Variants in ZNF121 observed in about 807,000 individuals in gnomAD.
ZNF121 encodes zinc finger protein 121.
A neutral mutation model predicts 2.4 loss-of-function variants in ZNF121; 1 was observed. The observed-to-expected ratio is 0.41, with a 90% CI of 0.15 to 1.94. ZNF121 has a LOEUF of 1.94. ZNF121 is among the 30% of genes most tolerant of loss of function. The pLI, the probability that ZNF121 is intolerant of heterozygous loss-of-function variation, is 0.30. For missense variants in ZNF121, 369 were observed against 466.3 expected, an observed-to-expected ratio of 0.79 and a Z score of 1.92; for synonymous variants, 173 against 158.6, an observed-to-expected ratio of 1.09 and a Z score of -0.68.
At position 9,578,427 on chromosome 19, in the gene ZNF121, C is replaced by A. The variant is rs184138491; in HGVS notation, c.-160+6034G>T. ...AAAGAAGGAAAGAAAAAGCTGGAAG[C>A]ATCAAACTGCCTGATATCAAAATAT... On this transcript the variant is annotated intron_variant, in intron 1 of 3. Coordinates refer to ENST00000320451, the MANE Select transcript of ZNF121 (RefSeq NM_001008727.5). Among the ~76,000 whole-genome samples the A allele has an allele frequency of 7.2e-5, 11 of 152,040 alleles. No homozygotes were observed. The East Asian group carries it at 2.1e-3, about 29-fold the overall frequency.
At position 9,561,132 on chromosome 19, in the gene ZNF121, AAT is replaced by A. The variant is rs2074098597; in HGVS notation, c.*4806_*4807del. 6.6e-6 allele frequency: 1 copy of A among 152,174 alleles called. No individual in the cohort carries two copies. The highest frequency in any genetic ancestry group is 1.5e-5 in the Non-Finnish European group (1 of 68,030). 9.4% of individuals were successfully genotyped at this position (152,174 alleles called of 1,614,324 possible). ...CTTGTGGTCATGTTTTTAATATAGA[AAT>A]AGAGTTATTAATGTGTGGATACGTA... On this transcript the variant is annotated 3_prime_UTR_variant, in exon 4 of 4. Transcript: ENST00000320451.
intron 1 of ZNF121, among the ~76,000 whole-genome samples, chr19:9,583,972 A>G (rs1277796063): frequency 6.6e-6 from 1 of 152,228 alleles, no homozygotes; most frequent in African/African-American, 2.4e-5. Flanking sequence ...GTAATGTGTC[A>G]AAAATAAGAA....
At position 9,566,643 on chromosome 19, in the gene ZNF121, G is replaced by A; in HGVS notation, c.470C>T (p.Ser157Leu). 2 of 1,614,156 alleles carry A rather than the reference G, an allele frequency of 1.2e-6. No individual in the cohort carries two copies. The highest frequency in any genetic ancestry group is 1.7e-6 in the Non-Finnish European group (2 of 1,179,990). Residue 157 changes from serine to leucine, a missense_variant, in exon 4 of 4, where the codon TCA (serine) becomes TTA (leucine). Transcript: ENST00000320451. ...GGTTCGCATGTGACTATTAAGATAT[G>A]AAGAATATCTAAAGAATTTTCCACA... ...KECGKFFRYS[S>L]YLNSHMRTHT...
At chr19:9,582,193 A>T (rs922422749) in intron 1 of ZNF121, among the ~76,000 whole-genome samples, 1 of 152,222 alleles carries the variant, frequency 6.6e-6, no homozygotes, top group African/African-American at 2.4e-5. Context: ...CCTGTGTCCC[A>T]GCTACTAGGT....
rs1393968778 is a variant in ZNF121 at position 9,564,481 on chromosome 19, C to G, written c.*1459G>C. The G allele has an allele frequency of 3.9e-5, 6 of 152,064 alleles. No homozygotes were observed. The highest frequency in any genetic ancestry group is 3.3e-4 in the Admixed American group (5 of 15,258). The allele number at this position is 152,064 out of a possible 1,614,324, so 9.4% of individuals were successfully genotyped here. ...GGTGACTCTGAGGGGTTCAAGTCTT[C>G]AGTGGAAAAAGTAACTGTGGATGTG... On this transcript the variant is annotated 3_prime_UTR_variant, in exon 4 of 4. Transcript: ENST00000320451.
chr19:9,570,278 A>G (rs2074164815), intron 1 of ZNF121, among the ~76,000 whole-genome samples: 1 of 152,070 alleles, frequency 6.6e-6, no homozygotes, highest in African/African-American at 2.4e-5. Context: ...TCAGGGCTGA[A>G]ATTGTTATAA....
chr19:9,563,791 C>T lies in ZNF121; in HGVS notation c.*2149G>A, dbSNP rs2074114090. On this transcript the variant is annotated 3_prime_UTR_variant, in exon 4 of 4. Transcript: ENST00000320451. ...TTAAATGAATGCTAATATTCAATTA[C>T]CATTCCAAAAATCCAAGAGCCAGTT... 1 of 152,228 alleles carries T rather than the reference C, an allele frequency of 6.6e-6. No individual in the cohort carries two copies. The highest frequency in any genetic ancestry group is 1.5e-5 in the Non-Finnish European group (1 of 68,032). The allele number at this position is 152,228 out of a possible 1,614,324, so 9.4% of individuals were successfully genotyped here.
Position 9,564,082 on chromosome 19 carries a change from C to T in ZNF121, c.*1858G>A, listed in dbSNP as rs537010551. 18 of 152,256 alleles carry T rather than the reference C, an allele frequency of 1.2e-4. No individual in the cohort carries two copies. In the East Asian group the frequency reaches 3.3e-3, roughly 28 times the overall value. The allele number at this position is 152,256 out of a possible 1,614,324, so 9.4% of individuals were successfully genotyped here. On this transcript the variant is annotated 3_prime_UTR_variant, in exon 4 of 4. Coordinates refer to ENST00000320451, the MANE Select transcript of ZNF121 (RefSeq NM_001008727.5). ...TATTTAAGAAATACATTTCATAAGG[C>T]TATAGCTGCCACTAATAATGCTTCT...
chr19:9,578,499 C>CA (rs1179373802), intron 1 of ZNF121, among the ~76,000 whole-genome samples: 16 of 152,016 alleles, frequency 1.1e-4, no homozygotes, highest in Admixed American at 3.9e-4. Context: ...GACATAAAAA[C>CA]AAACACATAG....
chr19:9,579,273 A>G (rs1477594456), intron 1 of ZNF121, among the ~76,000 whole-genome samples: 1 of 152,230 alleles, frequency 6.6e-6, no homozygotes, highest in Non-Finnish European at 1.5e-5. Context: ...AACAATACTC[A>G]GGTGTAGTGG....
At chr19:9,569,239 G>C (rs766522276) in intron 1 of ZNF121, among the ~76,000 whole-genome samples, 157 bp from the exon 2 acceptor site, 3 of 152,054 alleles carry the variant, frequency 2.0e-5, no homozygotes, top group Admixed American at 6.6e-5. Flanking sequence ...CTGAGGAGTT[G>C]GTTATCTCTG....
At position 9,563,070 on chromosome 19, in the gene ZNF121, A is replaced by C. The variant is rs1366127237; in HGVS notation, c.*2870T>G. On this transcript the variant is annotated 3_prime_UTR_variant, in exon 4 of 4. Transcript: ENST00000320451. ...CATGTCTCAAAAAAAAAAAAAAAAA[A>C]AAAACTGGGATAGGCCAAAATCTAG... The C allele has an allele frequency of 6.6e-6, 1 of 151,266 alleles. No homozygotes were observed. The highest frequency in any genetic ancestry group is 1.5e-5 in the Non-Finnish European group (1 of 67,818). 9.4% of individuals were successfully genotyped at this position (151,266 alleles called of 1,614,324 possible). A position where few individuals can be genotyped will look rare whatever the true frequency, so the allele number is the denominator to read the frequency against.
At chr19:9,577,932 C>T (rs2074222725) in intron 1 of ZNF121, among the ~76,000 whole-genome samples, 1 of 151,816 alleles carries the variant, frequency 6.6e-6, no homozygotes, top group Admixed American at 6.6e-5. Flanking sequence ...GTGGCTCACG[C>T]CTGTAATCCC....
In ZNF121 at chr19:9,566,541, A is replaced by T. The variant is rs181368796; in HGVS notation, c.572T>A (p.Val191Glu). ...AGGTTTCTCTCCAGTATGAATTCTTACATGTTCAACTAGGTGTGAAGAAAC... is the reference window on the plus strand; with the variant it reads ...AGGTTTCTCTCCAGTATGAATTCTTTCATGTTCAACTAGGTGTGAAGAAAC... ...FTVSSHLVEH[V>E]RIHTGEKPYQ... is the part of the protein sequence containing the mutation. Residue 191 changes from valine (V) to glutamate (E), a missense_variant, in exon 4 of 4, where the codon GTA (valine) becomes GAA (glutamate). By Grantham distance (121) the Val-to-Glu change is moderately radical. Around this residue, in one of 4 missense-constraint regions of ZNF121, gnomAD observed 68 missense variants for 105.5 expected, o/e 0.64. Transcript: ENST00000320451. 1 of 1,614,234 alleles carries T rather than the reference A, an allele frequency of 6.2e-7. No homozygotes were observed. Among genetic ancestry groups the T allele is most frequent in the East Asian group, 2.2e-5 (1 of 44,882 alleles).
chr19:9,566,618 G>C lies in ZNF121; in HGVS notation c.495C>G (p.Thr165=), dbSNP rs544858687. 1.2e-6 allele frequency: 2 copies of C among 1,614,120 alleles called. No homozygotes were observed. The highest frequency in any genetic ancestry group is 1.7e-6 in the Non-Finnish European group (2 of 1,180,028). The change falls in exon 4 of 4, where the codon ACC becomes ACG. Residue 165 remains threonine (T), a synonymous_variant. Transcript: ENST00000320451. ...ATTCATAGGGTTTCTCCCCAGTATG[G>C]GTTCGCATGTGACTATTAAGATATG... ...YSSYLNSHMR[T]HTGEKPYECK...
intron 1 of ZNF121, among the ~76,000 whole-genome samples, chr19:9,572,215 T>C (rs904755653): frequency 1.3e-5 from 2 of 152,118 alleles, no homozygotes; most frequent in Non-Finnish European, 2.9e-5. Context: ...TGATCTAAAA[T>C]ATAAAAATTA....
At position 9,568,108 on chromosome 19, in the gene ZNF121, T is replaced by G. The variant is rs527573666; in HGVS notation, c.-11A>C. On this transcript the variant is annotated 5_prime_UTR_variant, in exon 3 of 4. Coordinates refer to ENST00000320451, the MANE Select transcript of ZNF121 (RefSeq NM_001008727.5). Reference sequence around the variant, plus strand: ...TCTTAATCTTACCATTTGTATGCCGTTTGATGTTTTGTTAAGCCAAAAAAA... The same window carrying G: ...TCTTAATCTTACCATTTGTATGCCGGTTGATGTTTTGTTAAGCCAAAAAAA... 1.9e-6 allele frequency: 3 copies of G among 1,546,416 alleles called. No individual in the cohort carries two copies. The South Asian group carries it at 3.7e-5, about 19-fold the overall frequency.
intron 1 of ZNF121, among the ~76,000 whole-genome samples, chr19:9,569,463 A>T (rs1206248283): frequency 6.6e-6 from 1 of 152,072 alleles, no homozygotes; most frequent in Non-Finnish European, 1.5e-5. Context: ...AATAAAATAA[A>T]AACCATTAAA....
At chr19:9,574,170 G>A (rs750210775) in intron 1 of ZNF121, among the ~76,000 whole-genome samples, 1 of 151,348 alleles carries the variant, frequency 6.6e-6, no homozygotes, top group Non-Finnish European at 1.5e-5. Flanking sequence ...TTTTGAGACA[G>A]AGTCTCATTC....
Sources: allele counts gnomAD v4.1 joint callset (sites outside exome capture counted in the v4.1 genomes callset), GRCh38; gene constraint gnomAD v4.1.1; regional missense constraint gnomAD v4.1.1; transcripts MANE v1.5; gene names NCBI Gene and HGNC (gene_info 2026-07-23, HGNC 2026-07-21).